The following TOX3 variants were observed in gnomAD, a reference collection of about 807,000 sequenced individuals.
The protein encoded by TOX3 is TOX high mobility group box family member 3, also known as CAG trinucleotide repeat-containing gene F9 protein.
In TOX3, 22 loss-of-function variants were observed where a neutral mutation model predicts 64.3. That is an observed-to-expected ratio of 0.34 (90% CI 0.24 to 0.49). The LOEUF is 0.49. Ranked by LOEUF, TOX3 falls within the 20% of genes least tolerant of loss-of-function variation. The pLI, the probability that TOX3 is intolerant of heterozygous loss-of-function variation, is 0.99. For missense variants in TOX3, 661 were observed against 714.4 expected, an observed-to-expected ratio of 0.93 and a Z score of 0.85; for synonymous variants, 291 against 273.6, an observed-to-expected ratio of 1.06 and a Z score of -0.63.
chr16:52,515,643 G>C (rs1596848996), intron 1 of TOX3, among the ~76,000 whole-genome samples: 1 of 152,226 alleles, frequency 6.6e-6, no homozygotes, highest in South Asian at 2.1e-4. Flanking sequence ...ACTGGAACAT[G>C]CTCTTGTTAC....
In TOX3 at chr16:52,437,626, CAAG is replaced by C. The variant is rs1026270522; in HGVS notation, c.*1596_*1598del. Among the ~76,000 whole-genome samples, 1 of 151,962 alleles carries C rather than the reference CAAG, an allele frequency of 6.6e-6. No homozygotes were observed. Among genetic ancestry groups the C allele is most frequent in the African/African-American group, 2.4e-5 (1 of 41,360 alleles). On this transcript the variant is annotated 3_prime_UTR_variant, in exon 7 of 7. Transcript: ENST00000219746. ...CTCTCAAAGAGGAACCGCTACAGAG[CAAG>C]AAAAGGGGGGAATAAATGGGCACCG...
At chr16:52,504,996 G>A (rs528887705) in intron 1 of TOX3, among the ~76,000 whole-genome samples, 3 of 152,086 alleles carry the variant, frequency 2.0e-5, no homozygotes, top group South Asian at 2.1e-4. Context: ...CACCACGCCC[G>A]GCTAATTTTT....
At position 52,438,159 on chromosome 16, in the gene TOX3, G is replaced by A. The variant is rs907601008; in HGVS notation, c.*1066C>T. 1.0e-4 allele frequency: 16 copies of A among 152,552 alleles called. 1 individual carries two copies. Among genetic ancestry groups the A allele is most frequent in the Non-Finnish European group, 1.5e-5 (1 of 68,022 alleles). 9.4% of individuals were successfully genotyped at this position (152,552 alleles called of 1,614,324 possible). On this transcript the variant is annotated 3_prime_UTR_variant, in exon 7 of 7. Transcript: ENST00000219746. ...GCAAAATACAAACAACTTAATTGCT[G>A]CTATCATAACTCATAAAAAAGTATA...
At chr16:52,481,884 T>A (rs932395247) in intron 1 of TOX3, among the ~76,000 whole-genome samples, 8 of 152,194 alleles carry the variant, frequency 5.3e-5, no homozygotes, top group Non-Finnish European at 8.8e-5. Context: ...TTATCTAAAA[T>A]CTTTTACTAG....
intron 1 of TOX3, among the ~76,000 whole-genome samples, chr16:52,533,422 A>G (rs776855960): frequency 7.9e-5 from 12 of 152,294 alleles, no homozygotes; most frequent in Non-Finnish European, 1.5e-4. Context: ...TTCCCTTTCA[A>G]TCCCCCAGAT....
intron 1 of TOX3, among the ~76,000 whole-genome samples, chr16:52,488,215 C>T (rs144829088): frequency 1.1e-3 from 173 of 152,312 alleles, no homozygotes; most frequent in African/African-American, 4.1e-3. Flanking sequence ...AAACACCCTG[C>T]CCCTAGCCAG....
intron 1 of TOX3, among the ~76,000 whole-genome samples, chr16:52,485,274 A>C (rs868444952): frequency 6.4e-4 from 94 of 146,348 alleles, no homozygotes; most frequent in African/African-American, 1.9e-3. Flanking sequence ...ATATATATAC[A>C]TATCTCCCAT....
intron 3 of TOX3, among the ~76,000 whole-genome samples, chr16:52,451,611 C>T (rs567374191): frequency 6.6e-6 from 1 of 152,288 alleles, no homozygotes; most frequent in South Asian, 2.1e-4. Flanking sequence ...CCTATGAATT[C>T]TTAACTGTTC....
chr16:52,439,845 A>C lies in TOX3; in HGVS notation c.1111T>G (p.Ser371Ala). Residue 371 changes from serine to alanine, a missense_variant, in exon 7 of 7, where the codon TCA becomes GCA. Physicochemically the swap from Ser to Ala is moderately conservative, Grantham distance 99 (BLOSUM62 1). Around this residue, in one of 3 missense-constraint regions of TOX3, gnomAD observed 299 missense variants for 292.1 expected, o/e 1.02. Coordinates refer to ENST00000219746, the MANE Select transcript of TOX3 (RefSeq NM_001080430.4). ...AGGGATTGCTGGAGAGTCTGAGGTG[A>C]TGCTGACACTGTTCCATGTTGAGAC... The part of the protein sequence containing the change: ...PLSQHGTVSA[S>A]PQTLQQSLPR... The C allele has an allele frequency of 6.2e-7, 1 of 1,613,802 alleles. No individual in the cohort carries two copies. The highest frequency in any genetic ancestry group is 8.5e-7 in the Non-Finnish European group (1 of 1,179,844).
intron 1 of TOX3, among the ~76,000 whole-genome samples, chr16:52,502,156 C>T (rs1479610259): frequency 6.6e-6 from 1 of 152,164 alleles, no homozygotes; most frequent in African/African-American, 2.4e-5. Context: ...TAAGCACTTC[C>T]TGAGTGCCTA....
At chr16:52,465,616 T>C (rs773630783) in intron 2 of TOX3, among the ~76,000 whole-genome samples, 1 of 151,978 alleles carries the variant, frequency 6.6e-6, no homozygotes, top group Non-Finnish European at 1.5e-5. Context: ...TTGAGTCTGC[T>C]ATTATCAGTT....
chr16:52,471,920 C>T (rs4141496), intron 1 of TOX3, among the ~76,000 whole-genome samples: 81,792 of 152,030 alleles, frequency 0.54, 22,348 homozygotes, highest in East Asian at 0.78. Context: ...GAAGTCTAGC[C>T]TCCTCCCTAC....
intron 1 of TOX3, among the ~76,000 whole-genome samples, chr16:52,491,033 A>G (rs761151705): frequency 2.0e-5 from 3 of 152,168 alleles, no homozygotes; most frequent in Non-Finnish European, 2.9e-5. Context: ...CTGATCATAC[A>G]TGTCACTGTC....
At chr16:52,528,145 A>G (rs769476004) in intron 1 of TOX3, among the ~76,000 whole-genome samples, 4 of 152,224 alleles carry the variant, frequency 2.6e-5, no homozygotes, top group Non-Finnish European at 4.4e-5. Flanking sequence ...CCCAGAGTCT[A>G]TGTTCAGCAA....
chr16:52,498,554 C>T (rs1413287892), intron 1 of TOX3, among the ~76,000 whole-genome samples: 2 of 152,096 alleles, frequency 1.3e-5, no homozygotes, highest in Non-Finnish European at 2.9e-5. Flanking sequence ...ACCTGCCTCC[C>T]AACATCCCTG....
intron 1 of TOX3, among the ~76,000 whole-genome samples, chr16:52,543,026 C>G (rs1433433306): frequency 1.3e-5 from 2 of 152,180 alleles, no homozygotes; most frequent in African/African-American, 4.8e-5. Context: ...TAGCACTAAT[C>G]TAAGTAAGGG....
intron 6 of TOX3, among the ~76,000 whole-genome samples, chr16:52,441,668 T>G (rs1482276075): frequency 6.6e-6 from 1 of 152,188 alleles, no homozygotes; most frequent in African/African-American, 2.4e-5. Flanking sequence ...TTCAATAATT[T>G]TATATTTCTA....
chr16:52,487,141 T>C (rs1442753910), intron 1 of TOX3, among the ~76,000 whole-genome samples: 1 of 152,018 alleles, frequency 6.6e-6, no homozygotes, highest in Non-Finnish European at 1.5e-5. Flanking sequence ...AAGCAGAAGA[T>C]GCATCTTTTG....
chr16:52,480,356 T>C (rs1961335950), intron 1 of TOX3, among the ~76,000 whole-genome samples: 1 of 152,190 alleles, frequency 6.6e-6, no homozygotes, highest in South Asian at 2.1e-4. Flanking sequence ...ATCTGAGTTA[T>C]TTTCCTTGTA....
Sources: allele counts gnomAD v4.1 joint callset (sites outside exome capture counted in the v4.1 genomes callset), GRCh38; gene constraint gnomAD v4.1.1; regional missense constraint gnomAD v4.1.1; transcripts MANE v1.5; gene names NCBI Gene and HGNC (gene_info 2026-07-23, HGNC 2026-07-21).